The following ERG variants were observed in gnomAD, a reference collection of about 807,000 sequenced individuals.
ERG encodes ETS transcription factor ERG, also known as transcriptional regulator ERG.
A neutral mutation model predicts 55.3 loss-of-function variants in ERG; 9 were observed. The observed-to-expected ratio is 0.16, with a 90% CI of 0.10 to 0.28. The LOEUF (loss-of-function observed/expected upper bound fraction) is 0.28, where lower values mean the gene tolerates loss of function less well. ERG is among the 10% of genes least tolerant of loss of function. The probability of loss-of-function intolerance (pLI) is 1.00; values close to 1 mark genes in which losing one functional copy is unlikely to be tolerated. For missense variants in ERG, 434 were observed against 631.6 expected, an observed-to-expected ratio of 0.69 and a Z score of 3.35; for synonymous variants, 223 against 237.3, an observed-to-expected ratio of 0.94 and a Z score of 0.55.
At chr21:38,541,629 T>C (rs1395448843) in intron 2 of ERG, among the ~76,000 whole-genome samples, 2 of 152,240 alleles carry the variant, frequency 1.3e-5, no homozygotes, top group African/African-American at 2.4e-5. Context: ...TGATTTATGC[T>C]AAAATACCTC....
chr21:38,589,871 G>A (rs1236636879), upstream of ERG, among the ~76,000 whole-genome samples: 2 of 151,962 alleles, frequency 1.3e-5, no homozygotes, highest in Admixed American at 6.6e-5. Flanking sequence ...TTTGAATTGG[G>A]GTCATTTTTG....
chr21:38,557,352 T>C (rs2059864521), intron 2 of ERG, among the ~76,000 whole-genome samples: 1 of 152,182 alleles, frequency 6.6e-6, no homozygotes, highest in Non-Finnish European at 1.5e-5. Context: ...TATACTATTT[T>C]AGAATAAAAT....
At chr21:38,438,866 G>A (rs539040842) in intron 2 of ERG, among the ~76,000 whole-genome samples, 13 of 152,312 alleles carry the variant, frequency 8.5e-5, no homozygotes, top group East Asian at 5.8e-4. Flanking sequence ...TCGGAATCCC[G>A]CAGAGGGCTC....
At chr21:38,517,618 T>C (rs1437492814) in intron 2 of ERG, among the ~76,000 whole-genome samples, 1 of 151,982 alleles carries the variant, frequency 6.6e-6, no homozygotes, top group African/African-American at 2.4e-5. Flanking sequence ...ATTTATCTAA[T>C]GAAAAAGAAA....
intron 1 of ERG, among the ~76,000 whole-genome samples, chr21:38,639,325 C>T (rs2060409377): frequency 6.6e-6 from 1 of 150,990 alleles, no homozygotes. Flanking sequence ...ATCTAACAAT[C>T]ACGAAGAAAA....
chr21:38,519,259 A>G (rs1046354209), intron 2 of ERG, among the ~76,000 whole-genome samples: 1 of 152,190 alleles, frequency 6.6e-6, no homozygotes, highest in Non-Finnish European at 1.5e-5. Context: ...ACAAAATTTA[A>G]TGAAAGAATT....
downstream of ERG, among the ~76,000 whole-genome samples, chr21:38,378,510 A>T (rs1856244235): frequency 6.6e-6 from 1 of 152,224 alleles, no homozygotes; most frequent in Non-Finnish European, 1.5e-5. Flanking sequence ...GTTTTCCAAC[A>T]GCTTGATATT....
At chr21:38,623,491 A>G (rs2060306225) in intron 1 of ERG, among the ~76,000 whole-genome samples, 1 of 152,218 alleles carries the variant, frequency 6.6e-6, no homozygotes, top group South Asian at 2.1e-4. Context: ...TTACCTCTGA[A>G]ATCTTCATCA....
intron 2 of ERG, among the ~76,000 whole-genome samples, chr21:38,509,567 A>G (rs2059495782): frequency 6.6e-6 from 1 of 152,078 alleles, no homozygotes; most frequent in South Asian, 2.1e-4. Context: ...TTGCCCCATG[A>G]GAGTAGATAC....
chr21:38,645,421 A>G (rs969340288), intron 1 of ERG, among the ~76,000 whole-genome samples: 16 of 152,292 alleles, frequency 1.1e-4, no homozygotes, highest in African/African-American at 3.1e-4. Context: ...ATAAACCACA[A>G]TGTGATTTTG....
intron 1 of ERG, among the ~76,000 whole-genome samples, chr21:38,468,923 T>TGCA (rs2059114027): frequency 7.0e-6 from 1 of 141,988 alleles, no homozygotes; most frequent in African/African-American, 2.7e-5. Context: ...AGGCGGAGCT[T>TGCA]GCAGTGAACC....
intron 2 of ERG, among the ~76,000 whole-genome samples, chr21:38,573,664 T>C (rs1047212715): frequency 1.3e-5 from 2 of 152,334 alleles, no homozygotes; most frequent in East Asian, 1.9e-4. Context: ...GCTCTCCTAC[T>C]ACATTCCTTT....
At chr21:38,372,661 A>T in the ERG span, among the ~76,000 whole-genome samples, 1 of 152,056 alleles carries the variant, frequency 6.6e-6, no homozygotes, top group South Asian at 2.1e-4. Context: ...AGGTCTGAGT[A>T]GGTATTATAT....
chr21:38,661,460 G>A (rs185592808), intron 1 of ERG, among the ~76,000 whole-genome samples: 1 of 152,176 alleles, frequency 6.6e-6, no homozygotes, highest in African/African-American at 2.4e-5. Context: ...CGGGACGCGG[G>A]GATGCCGAGG....
chr21:38,424,418 GC>G (rs1989722987), intron 2 of ERG, among the ~76,000 whole-genome samples: 1 of 152,220 alleles, frequency 6.6e-6, no homozygotes, highest in South Asian at 2.1e-4. Context: ...CTAGGACAGT[GC>G]CCATACTGGC....
intron 1 of ERG, among the ~76,000 whole-genome samples, chr21:38,472,569 C>T (rs945024321): frequency 6.6e-6 from 1 of 152,148 alleles, no homozygotes; most frequent in African/African-American, 2.4e-5. Flanking sequence ...GAGGCTCCCA[C>T]GTGAGGTGGC....
At chr21:38,467,793 C>T (rs555236324) in intron 1 of ERG, among the ~76,000 whole-genome samples, 1 of 151,988 alleles carries the variant, frequency 6.6e-6, no homozygotes, top group East Asian at 1.9e-4. Flanking sequence ...TTGTGAATAC[C>T]AAAAAAGAAA....
chr21:38,451,827 A>G, intron 1 of ERG, among the ~76,000 whole-genome samples: 1 of 152,236 alleles, frequency 6.6e-6, no homozygotes, highest in Non-Finnish European at 1.5e-5. Context: ...ATCTCATTAA[A>G]CAAGAATCTT....
chr21:38,590,947 T>G (rs2060097006), intron 1 of ERG, among the ~76,000 whole-genome samples: 1 of 152,206 alleles, frequency 6.6e-6, no homozygotes, highest in African/African-American at 2.4e-5. Context: ...CTGCAATCCT[T>G]CCTCTTTTTT....
Sources: allele counts gnomAD v4.1 joint callset (sites outside exome capture counted in the v4.1 genomes callset), GRCh38; gene constraint gnomAD v4.1.1; transcripts MANE v1.5; gene names NCBI Gene and HGNC (gene_info 2026-07-23, HGNC 2026-07-21).